Variants in DCC observed in about 807,000 individuals in gnomAD.
DCC encodes the protein netrin receptor DCC.
DCC carries 58 observed loss-of-function variants against 172.5 expected under a neutral mutation model. The ratio of observed to expected loss-of-function variants is 0.34; its 90% CI spans 0.27 to 0.42. The LOEUF (loss-of-function observed/expected upper bound fraction) is 0.42, where lower values mean the gene tolerates loss of function less well. Among genes scored for constraint, DCC ranks in the 10% least tolerant of loss-of-function variants. The pLI is 1.00. For synonymous variants in DCC, 709 were observed against 644.5 expected (o/e 1.10, Z -1.52); for missense variants, 1,740 against 1,791.0 (o/e 0.97, Z 0.51).
intron 1 of DCC, among the ~76,000 whole-genome samples, chr18:52,405,002 T>G (rs944313335): frequency 6.6e-6 from 1 of 151,998 alleles, no homozygotes; most frequent in Non-Finnish European, 1.5e-5. Flanking sequence ...TCATCATTTT[T>G]TATGGCTGCA....
chr18:52,667,393 T>C (rs1165177062), intron 1 of DCC, among the ~76,000 whole-genome samples: 1 of 152,254 alleles, frequency 6.6e-6, no homozygotes, highest in East Asian at 1.9e-4. Context: ...GAAACTTGCC[T>C]TCCAACCATG....
At chr18:53,510,547 T>G (rs917102856) in intron 27 of DCC, among the ~76,000 whole-genome samples, 1 of 151,958 alleles carries the variant, frequency 6.6e-6, no homozygotes, top group African/African-American at 2.4e-5. Flanking sequence ...TAAAGAGGAG[T>G]TGAGAGAAAG....
At chr18:52,541,879 A>ATATATATATATATATATATATG (rs1367774940) in intron 1 of DCC, among the ~76,000 whole-genome samples, 13 of 136,248 alleles carry the variant, frequency 9.5e-5, no homozygotes, top group African/African-American at 2.4e-4. Flanking sequence ...GTGTGTGTAT[A>ATATATATATATATATATATATG]TATATATATA....
chr18:53,177,219 T>C (rs1047213890), intron 8 of DCC, among the ~76,000 whole-genome samples: 4 of 151,852 alleles, frequency 2.6e-5, no homozygotes, highest in Non-Finnish European at 4.4e-5. Context: ...CTGGGAGATA[T>C]ACCTAATGCT....
At chr18:52,822,443 C>G (rs1427630063) in intron 2 of DCC, among the ~76,000 whole-genome samples, 2 of 152,206 alleles carry the variant, frequency 1.3e-5, no homozygotes, top group Admixed American at 1.3e-4. Context: ...TCAGAGTAAA[C>G]TAATAGCTGA....
At chr18:53,309,956 ACGTG>A (rs1353514056) in intron 13 of DCC, among the ~76,000 whole-genome samples, 5 of 120,462 alleles carry the variant, frequency 4.2e-5, no homozygotes, top group Non-Finnish European at 8.5e-5. Flanking sequence ...ATGTATATAT[ACGTG>A]TGTGTATATA....
chr18:52,374,429 C>T (rs776863751), intron 1 of DCC, among the ~76,000 whole-genome samples: 5 of 151,992 alleles, frequency 3.3e-5, no homozygotes, highest in South Asian at 4.2e-4. Flanking sequence ...TTTAGCCCCT[C>T]GGTGCTTAGA....
At chr18:52,508,319 C>T (rs1024656083) in intron 1 of DCC, among the ~76,000 whole-genome samples, 2 of 152,090 alleles carry the variant, frequency 1.3e-5, no homozygotes, top group Admixed American at 1.3e-4. Flanking sequence ...CATCTTTATA[C>T]ATTTTATCAT....
chr18:53,442,467 T>C, intron 22 of DCC, among the ~76,000 whole-genome samples: 1 of 152,186 alleles, frequency 6.6e-6, no homozygotes, highest in Non-Finnish European at 1.5e-5. Flanking sequence ...CGATAAACTG[T>C]TGTGTGTTCC....
At chr18:52,470,572 C>G (rs2144559752) in intron 1 of DCC, among the ~76,000 whole-genome samples, 1 of 152,186 alleles carries the variant, frequency 6.6e-6, no homozygotes, top group African/African-American at 2.4e-5. Flanking sequence ...AAGTGGATTA[C>G]AGAAGTATGA....
Position 53,339,922 on chromosome 18 carries a change from T to A in DCC, c.2359+15T>A. On this transcript the variant is annotated intron_variant, in intron 15 of 28. Transcript: ENST00000442544. ...TGAGAGGTTAGGTGAGTATCTGTGA[T>A]TTTTTTTATTCTATTAAGGGGAATT... 6.3e-7 allele frequency: 1 copy of A among 1,599,900 alleles called. No individual in the cohort carries two copies. Among genetic ancestry groups the A allele is most frequent in the South Asian group, 1.1e-5 (1 of 90,706 alleles).
In DCC at chr18:53,318,752, G is replaced by GT. The variant is rs57810228; in HGVS notation, c.2054-3276dup. Among the ~76,000 whole-genome samples, 554 of 132,142 alleles carry GT rather than the reference G, an allele frequency of 4.2e-3. 2 individuals carry two copies. The highest frequency in any genetic ancestry group is 0.011 in the African/African-American group (384 of 33,524). 86.7% of individuals were successfully genotyped at this position (132,142 alleles called of 152,430 possible). A position where few individuals can be genotyped will look rare whatever the true frequency, so the allele number is the denominator to read the frequency against. ...ATTATATAATGCCCTTCTTCGTTGG[G>GT]TTTTTTTTTTTTTTTTTTTGTGATC... is the stretch of plus-strand genomic sequence containing the variant. On this transcript the variant is annotated intron_variant, in intron 13 of 28. Transcript: ENST00000442544.
intron 24 of DCC, among the ~76,000 whole-genome samples, chr18:53,462,131 T>A (rs2045566737): frequency 6.6e-6 from 1 of 152,178 alleles, no homozygotes; most frequent in African/African-American, 2.4e-5. Flanking sequence ...AACCTCTATG[T>A]GGTATCCAAA....
chr18:52,455,788 G>A (rs1180012019), intron 1 of DCC, among the ~76,000 whole-genome samples: 4 of 152,146 alleles, frequency 2.6e-5, no homozygotes, highest in African/African-American at 4.8e-5. Flanking sequence ...CTGTGTATCC[G>A]AGGTACTAAA....
At chr18:53,040,800 A>G (rs1406688233) in intron 5 of DCC, among the ~76,000 whole-genome samples, 1 of 151,978 alleles carries the variant, frequency 6.6e-6, no homozygotes, top group Non-Finnish European at 1.5e-5. Context: ...GAGAAAGGAG[A>G]CAGAGTCTGA....
At chr18:52,498,994 C>A in intron 1 of DCC, among the ~76,000 whole-genome samples, 1 of 152,166 alleles carries the variant, frequency 6.6e-6, no homozygotes, top group East Asian at 1.9e-4. Flanking sequence ...GTGCCCACAT[C>A]TTCTCTCTGA....
chr18:52,996,801 TGAAG>T, intron 5 of DCC, among the ~76,000 whole-genome samples: 1 of 140,904 alleles, frequency 7.1e-6, no homozygotes. Context: ...TGCCTCTCTC[TGAAG>T]TTAGAAACAC....
At chr18:53,246,606 G>A (rs1368166254) in intron 12 of DCC, among the ~76,000 whole-genome samples, 9 of 151,892 alleles carry the variant, frequency 5.9e-5, no homozygotes, top group Admixed American at 5.9e-4. Flanking sequence ...GTTGCCTCAT[G>A]GGCATTTATT....
intron 27 of DCC, among the ~76,000 whole-genome samples, chr18:53,512,371 C>T (rs1330830680): frequency 1.3e-5 from 2 of 151,112 alleles, no homozygotes; most frequent in South Asian, 4.2e-4. Flanking sequence ...AAAAACAGAA[C>T]AGAAAAACTG....
Sources: gnomAD v4.1 joint callset for allele counts (sites outside exome capture counted in the v4.1 genomes callset) on GRCh38, gnomAD v4.1.1 for gene constraint, MANE v1.5 for transcripts, NCBI Gene and HGNC (gene_info 2026-07-23, HGNC 2026-07-21) for gene names.